The following FYN variants were observed in gnomAD, a reference collection of about 807,000 sequenced individuals.
The protein encoded by FYN is tyrosine-protein kinase Fyn.
In FYN, 10 loss-of-function variants were observed where a neutral mutation model predicts 70.2. The observed-to-expected ratio is 0.14, with a 90% CI of 0.09 to 0.24. FYN has a LOEUF of 0.24. Ranked by LOEUF, FYN falls within the 10% of genes least tolerant of loss-of-function variation. The pLI, the probability that FYN is intolerant of heterozygous loss-of-function variation, is 1.00. For synonymous variants in FYN, 236 were observed against 248.6 expected, an observed-to-expected ratio of 0.95 and a Z score of 0.48; for missense variants, 319 against 673.1, an observed-to-expected ratio of 0.47 and a Z score of 5.82.
At chr6:111,697,802 T>G (rs576216552) in intron 9 of FYN, among the ~76,000 whole-genome samples, 46 of 152,352 alleles carry the variant, frequency 3.0e-4, no homozygotes, top group African/African-American at 1.1e-3. Context: ...GTATATGTAA[T>G]GATTTAAAGT....
At chr6:111,723,146 A>G (rs1801032830) in intron 3 of FYN, among the ~76,000 whole-genome samples, 1 of 152,204 alleles carries the variant, frequency 6.6e-6, no homozygotes, top group African/African-American at 2.4e-5. Flanking sequence ...AGGATCCTAC[A>G]TTTAACCAAA....
In FYN at chr6:111,719,869, G is replaced by A; in HGVS notation, c.183C>T (p.Leu61=). ...NNFHAAGGQG[L]TVFGGVNSSS... is the part of the protein sequence containing the mutation. ...AAGAGTTCACACCTCCAAAGACGGT[G>A]AGTCCTTGGCCCCCGGCTGCGTGGA... Residue 61 remains leucine, a synonymous_variant, in exon 4 of 14, where the codon CTC becomes CTT. Coordinates refer to ENST00000354650, the MANE Select transcript of FYN (RefSeq NM_002037.5). The A allele has an allele frequency of 1.9e-6, 3 of 1,614,116 alleles. No homozygotes were observed. Among genetic ancestry groups the A allele is most frequent in the Non-Finnish European group, 2.5e-6 (3 of 1,179,996 alleles).
intron 3 of FYN, among the ~76,000 whole-genome samples, chr6:111,773,477 G>C (rs111210427): frequency 0.23 from 10,164 of 44,360 alleles, 1,560 homozygotes; most frequent in East Asian, 0.63. Flanking sequence ...AAGGGAAAAC[G>C]AGAGGGAGAG....
chr6:111,680,762 T>C (rs1173111714), intron 12 of FYN, among the ~76,000 whole-genome samples: 1 of 152,242 alleles, frequency 6.6e-6, no homozygotes, highest in Non-Finnish European at 1.5e-5. Context: ...ACTTCTCACA[T>C]GTGAATAATA....
chr6:111,811,624 T>A (rs768562277), intron 2 of FYN, among the ~76,000 whole-genome samples: 7 of 152,098 alleles, frequency 4.6e-5, no homozygotes, highest in Non-Finnish European at 1.0e-4. Context: ...ATGATGAGGG[T>A]AGGGGTGACC....
intron 1 of FYN, among the ~76,000 whole-genome samples, chr6:111,872,743 A>G (rs1033166880): frequency 6.6e-6 from 1 of 151,748 alleles, no homozygotes; most frequent in African/African-American, 2.4e-5. Flanking sequence ...TGGGGTCCCC[A>G]TCCCCGCGCT....
intron 2 of FYN, among the ~76,000 whole-genome samples, chr6:111,814,312 T>C (rs962281205): frequency 1.3e-5 from 2 of 152,088 alleles, no homozygotes; most frequent in African/African-American, 4.8e-5. Context: ...AAGACAAAAG[T>C]GGGGAGGAAA....
At chr6:111,676,969 A>G (rs1029287401) in intron 12 of FYN, among the ~76,000 whole-genome samples, 2 of 152,222 alleles carry the variant, frequency 1.3e-5, no homozygotes, top group African/African-American at 4.8e-5. Flanking sequence ...TTCTCATTTT[A>G]TAATCTACAA....
intron 2 of FYN, among the ~76,000 whole-genome samples, chr6:111,803,925 G>A (rs1772067678): frequency 2.6e-5 from 4 of 152,168 alleles, no homozygotes; most frequent in African/African-American, 7.2e-5. Flanking sequence ...CATAGTGTTA[G>A]GAATGGAGCA....
intron 3 of FYN, among the ~76,000 whole-genome samples, chr6:111,726,415 T>G (rs1337986560): frequency 2.0e-5 from 3 of 152,194 alleles, no homozygotes; most frequent in African/African-American, 7.2e-5. Flanking sequence ...GCTGTCCCAT[T>G]AAAATCTAGT....
chr6:111,661,486 A>G lies in FYN; in HGVS notation c.*253T>C, dbSNP rs1272504577. ...ACTGAACAGAGGTTTGGCCTTTTAC[A>G]TAACATCGATACAATGCATTTTCCA... is the stretch of plus-strand genomic sequence containing the variant. On this transcript the variant is annotated 3_prime_UTR_variant, in exon 14 of 14. Transcript: ENST00000354650. This position sits in a 1 kb window ranked among gnomAD's most constrained non-coding sequence, Gnocchi z 4.0. The G allele has an allele frequency of 1.9e-4, 84 of 451,644 alleles. No individual in the cohort carries two copies. The allele number at this position is 451,644 out of a possible 1,614,324, so 28.0% of individuals were successfully genotyped here.
Position 111,702,956 on chromosome 6 carries a change from T to C in FYN, c.626A>G (p.Asp209Gly). The C allele has an allele frequency of 6.2e-7, 1 of 1,614,170 alleles. No individual in the cohort carries two copies. Among genetic ancestry groups the C allele is most frequent in the Non-Finnish European group, 8.5e-7 (1 of 1,180,004 alleles). The change falls in exon 8 of 14, where the codon GAC becomes GGC. Residue 209 changes from aspartate to glycine, a missense_variant. By Grantham distance (94) the Asp-to-Gly change is moderately conservative (BLOSUM62 -1). Around this residue, in one of 4 missense-constraint regions of FYN, gnomAD observed 112 missense variants for 250.2 expected, o/e 0.45. Transcript: ENST00000354650. ...HVKHYKIRKL[D>G]NGGYYITTRA... is the part of the protein sequence containing the mutation. Reference sequence around the variant, plus strand: ...GGTGGTAATGTAGTATCCACCATTGTCAAGTTTGCGAATTTTATAATGTTT... The same window carrying C: ...GGTGGTAATGTAGTATCCACCATTGCCAAGTTTGCGAATTTTATAATGTTT...
At chr6:111,824,055 G>T (rs897186830) in intron 2 of FYN, among the ~76,000 whole-genome samples, 1 of 152,074 alleles carries the variant, frequency 6.6e-6, no homozygotes, top group Non-Finnish European at 1.5e-5. Context: ...ATTTCAAACT[G>T]GGCAAATAGC....
At chr6:111,728,770 C>T (rs540087722) in intron 3 of FYN, among the ~76,000 whole-genome samples, 38 of 152,214 alleles carry the variant, frequency 2.5e-4, no homozygotes, top group Non-Finnish European at 4.3e-4. Context: ...TGGGTTTTTA[C>T]GTTTTGGCTC....
At chr6:111,799,299 GTC>G (rs928120968) in intron 2 of FYN, among the ~76,000 whole-genome samples, 1 of 152,186 alleles carries the variant, frequency 6.6e-6, no homozygotes, top group African/African-American at 2.4e-5. Flanking sequence ...GATATATCCT[GTC>G]TCTCTCCCAA....
At chr6:111,810,024 T>A (rs1772274804) in intron 2 of FYN, among the ~76,000 whole-genome samples, 1 of 152,150 alleles carries the variant, frequency 6.6e-6, no homozygotes, top group Admixed American at 6.5e-5. Flanking sequence ...TAAAAAGCAA[T>A]CCTTTCAGTG....
chr6:111,833,416 C>T (rs1212303952), intron 2 of FYN, among the ~76,000 whole-genome samples: 1 of 152,222 alleles, frequency 6.6e-6, no homozygotes, highest in Admixed American at 6.5e-5. Flanking sequence ...AGGATCCATG[C>T]CACCATCAGT....
At chr6:111,813,345 A>C (rs1019183993) in intron 2 of FYN, among the ~76,000 whole-genome samples, 1 of 152,238 alleles carries the variant, frequency 6.6e-6, no homozygotes, top group African/African-American at 2.4e-5. Flanking sequence ...ACCTTCAGGA[A>C]GACTCTACAA....
At chr6:111,869,110 G>A (rs1774196364) in intron 1 of FYN, among the ~76,000 whole-genome samples, 1 of 152,220 alleles carries the variant, frequency 6.6e-6, no homozygotes, top group Non-Finnish European at 1.5e-5. Flanking sequence ...GGTATGAATG[G>A]AATTGCTCCA....
Sources: gnomAD v4.1 joint callset for allele counts (sites outside exome capture counted in the v4.1 genomes callset) on GRCh38, gnomAD v4.1.1 for gene constraint, gnomAD v4.1.1 regional missense constraint, Gnocchi (gnomAD v3.1) non-coding constraint, MANE v1.5 for transcripts, NCBI Gene and HGNC (gene_info 2026-07-23, HGNC 2026-07-21) for gene names.